The following RSU1 variants were observed in gnomAD, a reference collection of about 807,000 sequenced individuals.
The protein encoded by RSU1 is rsu-1.
RSU1 carries 26 observed loss-of-function variants against 31.1 expected under a neutral mutation model. The observed-to-expected ratio is 0.84, with a 90% CI of 0.61 to 1.16. The LOEUF (loss-of-function observed/expected upper bound fraction) is 1.16. Ranked by LOEUF, RSU1 falls within the 50% of genes most tolerant of loss-of-function variation. The pLI is 0.00. For missense variants in RSU1, 320 were observed against 339.1 expected (o/e 0.94, Z 0.44); for synonymous variants, 164 against 136.3 (o/e 1.20, Z -1.41).
At chr10:16,814,214 G>A (rs1240656578) in intron 2 of RSU1, among the ~76,000 whole-genome samples, 1 of 152,066 alleles carries the variant, frequency 6.6e-6, no homozygotes, top group East Asian at 1.9e-4. Context: ...CCAAGATGGG[G>A]GCACTCCTTG....
intron 8 of RSU1, among the ~76,000 whole-genome samples, chr10:16,624,871 T>C (rs1473946199): frequency 6.6e-6 from 1 of 152,166 alleles, no homozygotes; most frequent in South Asian, 2.1e-4. Context: ...CACAGGTTCC[T>C]AAGAAGAAAT....
chr10:16,738,734 C>G (rs1482279103), intron 7 of RSU1, among the ~76,000 whole-genome samples: 1 of 152,114 alleles, frequency 6.6e-6, no homozygotes, highest in East Asian at 1.9e-4. Flanking sequence ...GATACCTATG[C>G]AGAACTTGCA....
intron 2 of RSU1, among the ~76,000 whole-genome samples, chr10:16,799,894 G>A (rs1838114853): frequency 6.6e-6 from 1 of 152,146 alleles, no homozygotes; most frequent in Admixed American, 6.5e-5. Flanking sequence ...CAGCCAAGTG[G>A]CACAGGCTCA....
At chr10:16,712,117 A>T (rs1836033145) in intron 7 of RSU1, among the ~76,000 whole-genome samples, 1 of 152,074 alleles carries the variant, frequency 6.6e-6, no homozygotes, top group Admixed American at 6.6e-5. Flanking sequence ...TTTGACTTAA[A>T]ATCTGTCTTA....
intron 2 of RSU1, among the ~76,000 whole-genome samples, chr10:16,790,948 C>A (rs1404828739): frequency 2.0e-5 from 3 of 152,206 alleles, no homozygotes; most frequent in Non-Finnish European, 2.9e-5. Context: ...AACCTCTTTT[C>A]TTCAGAAACT....
chr10:16,647,683 C>T (rs1024469042), intron 8 of RSU1, among the ~76,000 whole-genome samples: 3 of 151,878 alleles, frequency 2.0e-5, no homozygotes, highest in Admixed American at 6.6e-5. Flanking sequence ...GAGAAGTTGG[C>T]GGTGATGCTA....
At chr10:16,769,925 G>A (rs1273606269) in intron 3 of RSU1, among the ~76,000 whole-genome samples, 1 of 152,162 alleles carries the variant, frequency 6.6e-6, no homozygotes, top group Non-Finnish European at 1.5e-5. Flanking sequence ...AGCATTTTAT[G>A]GTAAGATCAC....
intron 7 of RSU1, among the ~76,000 whole-genome samples, chr10:16,751,464 T>C (rs1007119896): frequency 6.6e-6 from 1 of 152,152 alleles, no homozygotes; most frequent in African/African-American, 2.4e-5. Flanking sequence ...GAACTCAAGG[T>C]GCTGATAGGC....
intron 8 of RSU1, among the ~76,000 whole-genome samples, chr10:16,680,348 A>C (rs10904791): frequency 0.6 from 91,256 of 151,832 alleles, 28,455 homozygotes; most frequent in East Asian, 0.72. Flanking sequence ...ATGACATTCC[A>C]AAGAGCTCAA....
chr10:16,703,552 C>A (rs1004787750), intron 7 of RSU1, among the ~76,000 whole-genome samples: 7 of 152,022 alleles, frequency 4.6e-5, no homozygotes, highest in African/African-American at 1.7e-4. Flanking sequence ...ACTCAGATGT[C>A]TAGGGGGTTG....
chr10:16,622,318 C>T (rs1834084048), intron 8 of RSU1, among the ~76,000 whole-genome samples: 1 of 152,194 alleles, frequency 6.6e-6, no homozygotes. Flanking sequence ...ATAGATCCAC[C>T]ATTTCCAAGG....
chr10:16,593,372 C>G lies in RSU1; in HGVS notation c.*22G>C. On this transcript the variant is annotated 3_prime_UTR_variant, in exon 9 of 9. Coordinates refer to ENST00000345264, the MANE Select transcript of RSU1 (RefSeq NM_012425.4). ...GTTGGAGAGAGAAGGTGCTGGAAGG[C>G]CAGCCGATGCCAATCCCTTCCTTAT... 1 of 1,613,952 alleles carries G rather than the reference C, an allele frequency of 6.2e-7. No homozygotes were observed. Among genetic ancestry groups the G allele is most frequent in the South Asian group, 1.1e-5 (1 of 91,052 alleles).
intron 8 of RSU1, among the ~76,000 whole-genome samples, chr10:16,644,499 A>C (rs535627247): frequency 3.5e-4 from 53 of 152,338 alleles, no homozygotes; most frequent in Admixed American, 1.4e-3. Context: ...TATATGTGCT[A>C]TAACAGACTT....
intron 2 of RSU1, among the ~76,000 whole-genome samples, chr10:16,813,442 C>T (rs1170345283): frequency 1.3e-5 from 2 of 152,116 alleles, no homozygotes; most frequent in Non-Finnish European, 2.9e-5. Context: ...CTGGGTATGT[C>T]TGAGACATAT....
intron 8 of RSU1, among the ~76,000 whole-genome samples, chr10:16,682,055 G>T (rs1029281311): frequency 6.6e-6 from 1 of 152,110 alleles, no homozygotes; most frequent in Non-Finnish European, 1.5e-5. Flanking sequence ...CATGAGAAGA[G>T]AATTCTGTGC....
chr10:16,751,640 C>A (rs553571394), intron 7 of RSU1, among the ~76,000 whole-genome samples: 1 of 152,190 alleles, frequency 6.6e-6, no homozygotes, highest in Non-Finnish European at 1.5e-5. Context: ...ATGTCCCTGC[C>A]CTCCTGGTGA....
chr10:16,664,326 C>G (rs994256739), intron 8 of RSU1, among the ~76,000 whole-genome samples: 12 of 152,302 alleles, frequency 7.9e-5, no homozygotes, highest in African/African-American at 2.4e-4. Flanking sequence ...GATGATGGCT[C>G]TAGCTCTGCG....
rs143871046 is a variant in RSU1, at chr10:16,644,887, C to T, written c.731+50136G>A. 2.0e-3 allele frequency among the ~76,000 whole-genome samples: 311 copies of T among 152,226 alleles called. 2 individuals are homozygous for T. Among genetic ancestry groups the T allele is most frequent in the African/African-American group, 7.1e-3 (297 of 41,542 alleles). ...ATTTAATTATTTCATGGCATTTCTGCAATCACCTATTTTTTCATGAAAGCA... is the reference window on the plus strand; with the variant it reads ...ATTTAATTATTTCATGGCATTTCTGTAATCACCTATTTTTTCATGAAAGCA... On this transcript the variant is annotated intron_variant, in intron 8 of 8. Coordinates refer to ENST00000345264, the MANE Select transcript of RSU1 (RefSeq NM_012425.4).
At position 16,785,833 on chromosome 10, in the gene RSU1, T is replaced by C. The variant is rs550500660; in HGVS notation, c.110-3749A>G. ...GTCTGCCTGGCCTCTCCATTGTCAA[T>C]GTCTTGTTTTCCCCTCTTGTAATTA... is the stretch of plus-strand genomic sequence containing the variant. On this transcript the variant is annotated intron_variant, in intron 2 of 8. Transcript: ENST00000345264. Among the ~76,000 whole-genome samples the C allele has an allele frequency of 2.0e-5, 3 of 152,296 alleles. No individual in the cohort carries two copies. The East Asian group carries it at 5.8e-4, about 29-fold the overall frequency.
Sources: gnomAD v4.1 joint callset for allele counts (sites outside exome capture counted in the v4.1 genomes callset) on GRCh38, gnomAD v4.1.1 for gene constraint, MANE v1.5 for transcripts, NCBI Gene and HGNC (gene_info 2026-07-23, HGNC 2026-07-21) for gene names.